Variants in SNX14 observed in about 807,000 individuals in gnomAD.
SNX14 encodes sorting nexin-14.
SNX14 carries 93 observed loss-of-function variants against 133.8 expected under a neutral mutation model. That is an observed-to-expected ratio of 0.70 (90% CI 0.59 to 0.83). The LOEUF is 0.83. Among genes scored for constraint, SNX14 ranks in the 40% least tolerant of loss-of-function variants. The pLI is 0.00. For synonymous variants in SNX14, 368 were observed against 365.6 expected (o/e 1.01, Z -0.07); for missense variants, 945 against 1,094.9 (o/e 0.86, Z 1.93).
chr6:85,538,906 A>T, intron 15 of SNX14, 42 bp from the exon 16 acceptor site: 7 of 1,523,218 alleles, frequency 4.6e-6, no homozygotes, highest in Non-Finnish European at 6.2e-6. Flanking sequence ...GAGAGGAAAG[A>T]AAGAAAGCCC....
intron 6 of SNX14, among the ~76,000 whole-genome samples, chr6:85,561,830 T>G (rs1323460588): frequency 4.6e-5 from 7 of 152,200 alleles, no homozygotes; most frequent in East Asian, 1.9e-4. Flanking sequence ...TTTTTGTTTT[T>G]TTTTTTTTCC....
intron 21 of SNX14, among the ~76,000 whole-genome samples, chr6:85,522,562 A>G (rs1777239388): frequency 6.6e-6 from 1 of 152,162 alleles, no homozygotes; most frequent in Non-Finnish European, 1.5e-5. Flanking sequence ...ATAAAAGTTT[A>G]CAATTTTCTC....
At chr6:85,559,533 C>T (rs1327512843) in intron 6 of SNX14, among the ~76,000 whole-genome samples, 4 of 152,144 alleles carry the variant, frequency 2.6e-5, no homozygotes, top group African/African-American at 9.7e-5. Context: ...TTCCAATTTA[C>T]ATTATGCAGG....
chr6:85,565,830 A>C (rs1793645576), intron 5 of SNX14, among the ~76,000 whole-genome samples: 1 of 152,190 alleles, frequency 6.6e-6, no homozygotes, highest in African/African-American at 2.4e-5. Context: ...AAGTTAAAAC[A>C]AAAAAATGTG....
rs537809152 is a variant in SNX14 at position 85,513,538 on chromosome 6, A to T, written c.2653+262T>A. On this transcript the variant is annotated intron_variant, in intron 26 of 28. Coordinates refer to ENST00000314673, the MANE Select transcript of SNX14 (RefSeq NM_153816.6). ...TTCAATTGTCCCACATGTCACTTTG[A>T]CCAGTCTGACTATAAGTTATTTTTG... Among the ~76,000 whole-genome samples the T allele has an allele frequency of 2.0e-5, 3 of 152,302 alleles. No individual in the cohort carries two copies. The East Asian group carries it at 5.8e-4, about 29-fold the overall frequency.
At chr6:85,519,975 G>A (rs545683071) in intron 21 of SNX14, among the ~76,000 whole-genome samples, 1 of 151,862 alleles carries the variant, frequency 6.6e-6, no homozygotes, top group East Asian at 1.9e-4. Context: ...GAATACAAAT[G>A]AATAAAAAAT....
chr6:85,517,156 C>A (rs1775309250), intron 23 of SNX14, among the ~76,000 whole-genome samples: 1 of 152,100 alleles, frequency 6.6e-6, no homozygotes, highest in Non-Finnish European at 1.5e-5. Context: ...TAAAAATTTT[C>A]TATCTATATA....
At chr6:85,512,640 A>T (rs1025784991) in intron 26 of SNX14, among the ~76,000 whole-genome samples, 2 of 142,140 alleles carry the variant, frequency 1.4e-5, no homozygotes, top group African/African-American at 5.2e-5. Flanking sequence ...AAAAAAAAAA[A>T]TGTGGATGGG....
At chr6:85,521,120 T>C (rs929509570) in intron 21 of SNX14, among the ~76,000 whole-genome samples, 2 of 152,244 alleles carry the variant, frequency 1.3e-5, no homozygotes, top group African/African-American at 2.4e-5. Flanking sequence ...TTAAAAACTT[T>C]GGTGAATGCG....
At chr6:85,518,439 T>C (rs1255918869) in intron 21 of SNX14, among the ~76,000 whole-genome samples, 2 of 152,122 alleles carry the variant, frequency 1.3e-5, no homozygotes, top group East Asian at 3.8e-4. Context: ...TATGCAAAGG[T>C]CAGTCAAAAA....
chr6:85,538,778 T>C (rs1476023415), intron 16 of SNX14, 60 bp downstream of exon 16: 7 of 1,462,992 alleles, frequency 4.8e-6, no homozygotes, highest in Non-Finnish European at 6.6e-6. Flanking sequence ...TATTAGGTTG[T>C]TCACAATGTA....
chr6:85,531,189 G>A (rs1053077566), intron 18 of SNX14, among the ~76,000 whole-genome samples: 2 of 152,218 alleles, frequency 1.3e-5, no homozygotes, highest in Admixed American at 1.3e-4. Flanking sequence ...GGTTTAAAGA[G>A]TAAGTCTGGA....
At chr6:85,584,491 T>C (rs190390973) in intron 1 of SNX14, among the ~76,000 whole-genome samples, 1 of 152,158 alleles carries the variant, frequency 6.6e-6, no homozygotes, top group East Asian at 1.9e-4. Flanking sequence ...ATTTCTGCAA[T>C]CTATCCATCT....
In SNX14 at chr6:85,570,023, G is replaced by A. The variant is rs187860677; in HGVS notation, c.417+2114C>T. Among the ~76,000 whole-genome samples, 216 of 152,164 alleles carry A rather than the reference G, an allele frequency of 1.4e-3. 1 individual carries two copies. The highest frequency in any genetic ancestry group is 0.014 in the Middle Eastern group (4 of 294). On this transcript the variant is annotated intron_variant, in intron 4 of 28. Coordinates refer to ENST00000314673, the MANE Select transcript of SNX14 (RefSeq NM_153816.6). Reference sequence around the variant, plus strand: ...TAGTCTGGCAAACCTCTAGTTCTCCGATCTGATTTCCCTCTCAATAGTTAT... The same window carrying A: ...TAGTCTGGCAAACCTCTAGTTCTCCAATCTGATTTCCCTCTCAATAGTTAT...
At chr6:85,589,302 C>T (rs1342475016) in intron 1 of SNX14, 1 of 160,652 alleles carries the variant, frequency 6.2e-6, no homozygotes, top group Non-Finnish European at 1.3e-5. Flanking sequence ...CATCATGGCT[C>T]ACTGCATCCC....
At chr6:85,578,846 TCA>T (rs1401460693) in intron 1 of SNX14, among the ~76,000 whole-genome samples, 1 of 152,118 alleles carries the variant, frequency 6.6e-6, no homozygotes, top group Admixed American at 6.5e-5. Context: ...TCTTAAGATT[TCA>T]GAGGTAGCCG....
chr6:85,507,896 G>A (rs1771299670), intron 27 of SNX14, 72 bp downstream of exon 27: 1 of 1,155,770 alleles, frequency 8.7e-7, no homozygotes, highest in Admixed American at 1.9e-5. Flanking sequence ...CAACTAATGA[G>A]TTACCAGACA....
intron 23 of SNX14, among the ~76,000 whole-genome samples, chr6:85,515,819 G>T (rs930345928): frequency 1.3e-5 from 2 of 151,656 alleles, no homozygotes; most frequent in East Asian, 3.9e-4. Flanking sequence ...TGGAAAACGG[G>T]AAAAACAACT....
Position 85,547,383 on chromosome 6 carries a change from A to AC in SNX14, c.926_927insG (p.Glu310Ter). 1 of 1,613,510 alleles carries AC rather than the reference A, an allele frequency of 6.2e-7. No individual in the cohort carries two copies. Among genetic ancestry groups the AC allele is most frequent in the African/African-American group, 1.3e-5 (1 of 75,036 alleles). On this transcript the variant is annotated frameshift_variant, in exon 11 of 29. Transcript: ENST00000314673. LOFTEE classifies it high-confidence loss of function. ...ATGGAACCAAAGGAGAAGCCGGTTC[A>AC]GTTGCTTTTTCAGGCTTTGAAAGAA...
Sources: allele counts gnomAD v4.1 joint callset (sites outside exome capture counted in the v4.1 genomes callset), GRCh38; gene constraint gnomAD v4.1.1; transcripts MANE v1.5; gene names NCBI Gene and HGNC (gene_info 2026-07-23, HGNC 2026-07-21).